RBFOX1: variants seen among roughly 807,000 people sequenced by gnomAD.
RBFOX1 encodes the protein RNA binding protein fox-1 homolog 1.
In RBFOX1, 8 loss-of-function variants were observed where a neutral mutation model predicts 57.7. The observed-to-expected ratio is 0.14, with a 90% CI of 0.08 to 0.25. RBFOX1 has a LOEUF of 0.25. Ranked by LOEUF, RBFOX1 falls within the 10% of genes least tolerant of loss-of-function variation. RBFOX1 has a pLI of 1.00. For synonymous variants in RBFOX1, 326 were observed against 222.4 expected, an observed-to-expected ratio of 1.47 and a Z score of -4.15; for missense variants, 611 against 548.5, an observed-to-expected ratio of 1.11 and a Z score of -1.14.
At chr16:6,789,225 T>C (rs2082492028) in intron 3 of RBFOX1, among the ~76,000 whole-genome samples, 1 of 152,080 alleles carries the variant, frequency 6.6e-6, no homozygotes, top group Non-Finnish European at 1.5e-5. Flanking sequence ...CGTGACAAGA[T>C]GAATGTCATT....
intron 2 of RBFOX1, among the ~76,000 whole-genome samples, chr16:5,529,821 G>C (rs899511403): frequency 1.3e-5 from 2 of 152,094 alleles, no homozygotes; most frequent in Non-Finnish European, 2.9e-5. Flanking sequence ...ACCCACCTCA[G>C]ATTCCCAAAG....
At chr16:7,402,935 A>G (rs1474064257) in intron 4 of RBFOX1, among the ~76,000 whole-genome samples, 3 of 152,200 alleles carry the variant, frequency 2.0e-5, no homozygotes, top group Admixed American at 1.3e-4. Flanking sequence ...CTTGGAGGCA[A>G]TTCTAGAAAC....
chr16:6,333,128 C>T (rs764024499), intron 2 of RBFOX1, among the ~76,000 whole-genome samples: 2 of 152,168 alleles, frequency 1.3e-5, no homozygotes, highest in African/African-American at 2.4e-5. Context: ...CAGCCTCTGT[C>T]TCCCGGGCTC....
chr16:7,504,984 C>T (rs1312622066), intron 4 of RBFOX1, among the ~76,000 whole-genome samples: 1 of 149,294 alleles, frequency 6.7e-6, no homozygotes, highest in East Asian at 2.0e-4. Flanking sequence ...TGCTTCAGTG[C>T]AATGTTAGGA....
At chr16:6,174,520 A>G (rs2096988349) in intron 1 of RBFOX1, among the ~76,000 whole-genome samples, 1 of 152,196 alleles carries the variant, frequency 6.6e-6, no homozygotes, top group South Asian at 2.1e-4. Context: ...GCTTGAACCC[A>G]GGAGGTGGAG....
intron 1 of RBFOX1, among the ~76,000 whole-genome samples, chr16:5,296,072 C>T (rs1050991305): frequency 1.0e-5 from 1 of 95,290 alleles, no homozygotes; most frequent in Admixed American, 1.3e-4. Flanking sequence ...CTCCATTGCG[C>T]CCGGGTTCCC....
intron 2 of RBFOX1, among the ~76,000 whole-genome samples, chr16:6,379,039 G>C (rs952807078): frequency 6.6e-6 from 1 of 152,134 alleles, no homozygotes; most frequent in South Asian, 2.1e-4. Flanking sequence ...ATCGGTGTTG[G>C]GATTGTGTGT....
intron 1 of RBFOX1, among the ~76,000 whole-genome samples, chr16:5,325,893 G>A (rs1334595953): frequency 6.6e-6 from 1 of 152,174 alleles, no homozygotes; most frequent in Admixed American, 6.5e-5. Context: ...ACACATTCAT[G>A]AACAGGTTTT....
chr16:6,884,731 G>A (rs1156456269), intron 3 of RBFOX1, among the ~76,000 whole-genome samples: 3 of 151,952 alleles, frequency 2.0e-5, no homozygotes, highest in African/African-American at 7.2e-5. Context: ...AACCCCATCT[G>A]TACTAAAAAT....
intron 4 of RBFOX1, among the ~76,000 whole-genome samples, chr16:7,214,158 T>C (rs75745436): frequency 0.029 from 4,391 of 152,258 alleles, 168 homozygotes; most frequent in African/African-American, 0.091. Context: ...CAAGGAATTA[T>C]TATCTTTCTA....
At chr16:7,342,083 T>A (rs987735214) in intron 4 of RBFOX1, among the ~76,000 whole-genome samples, 1 of 152,118 alleles carries the variant, frequency 6.6e-6, no homozygotes, top group Non-Finnish European at 1.5e-5. Flanking sequence ...TTTCTTCTTA[T>A]TTCCTGAGGC....
intron 4 of RBFOX1, among the ~76,000 whole-genome samples, chr16:7,091,722 G>A (rs2060891254): frequency 6.6e-6 from 1 of 152,056 alleles, no homozygotes; most frequent in Admixed American, 6.6e-5. Flanking sequence ...CTCAGTACTG[G>A]GGGAGCCTCC....
chr16:6,238,972 C>A (rs905159156), intron 1 of RBFOX1, among the ~76,000 whole-genome samples: 1 of 152,102 alleles, frequency 6.6e-6, no homozygotes, highest in Non-Finnish European at 1.5e-5. Flanking sequence ...CCCTGTTGTG[C>A]TGTAAGGTAG....
intron 3 of RBFOX1, among the ~76,000 whole-genome samples, chr16:6,854,033 C>T (rs72768843): frequency 0.21 from 32,510 of 152,006 alleles, 4,326 homozygotes; most frequent in Admixed American, 0.36. Context: ...GAAGGACAGA[C>T]CTCAGGCAGT....
chr16:5,386,805 C>T (rs938693900), intron 1 of RBFOX1, among the ~76,000 whole-genome samples: 1 of 152,216 alleles, frequency 6.6e-6, no homozygotes, highest in Admixed American at 6.5e-5. Context: ...AACCCCAGCA[C>T]TTTGGAAGGC....
chr16:7,005,009 T>C (rs2093171796), intron 3 of RBFOX1, among the ~76,000 whole-genome samples: 1 of 152,262 alleles, frequency 6.6e-6, no homozygotes, highest in South Asian at 2.1e-4. Context: ...CAGAGCATGA[T>C]GGTGCGTGCC....
At chr16:6,043,727 A>G (rs2095467107) in intron 1 of RBFOX1, among the ~76,000 whole-genome samples, 1 of 152,128 alleles carries the variant, frequency 6.6e-6, no homozygotes, top group Non-Finnish European at 1.5e-5. Context: ...GGAAGCCAGT[A>G]TGGAAGGAGA....
At position 7,334,330 on chromosome 16, in the gene RBFOX1, C is replaced by T. The variant is rs542867827; in HGVS notation, c.28-183817C>T. ...GTCCTTTGCAGCGTGGAACTTGTTG[C>T]GTCTTCCCTGGTATACACAGGCCGG... On this transcript the variant is annotated intron_variant, in intron 4 of 15. Coordinates refer to ENST00000550418, the MANE Select transcript of RBFOX1 (RefSeq NM_018723.4). Among the ~76,000 whole-genome samples the T allele has an allele frequency of 2.0e-5, 3 of 152,184 alleles. No homozygotes were observed. The South Asian group carries it at 6.2e-4, about 32-fold the overall frequency.
At chr16:5,961,287 C>A (rs913203592) in intron 4 of RBFOX1, among the ~76,000 whole-genome samples, 1 of 152,072 alleles carries the variant, frequency 6.6e-6, no homozygotes, top group Admixed American at 6.5e-5. Context: ...TCTTAAGAAT[C>A]CATTAGGTAA....
Sources: allele counts gnomAD v4.1 joint callset (sites outside exome capture counted in the v4.1 genomes callset), GRCh38; gene constraint gnomAD v4.1.1; transcripts MANE v1.5; gene names NCBI Gene and HGNC (gene_info 2026-07-23, HGNC 2026-07-21).